OPCML: variants seen among roughly 807,000 people sequenced by gnomAD.
OPCML encodes opioid binding protein/cell adhesion molecule like, also known as opioid-binding protein/cell adhesion molecule.
Under a neutral mutation model 37.8 loss-of-function variants are expected in OPCML, and 13 were observed. The ratio of observed to expected loss-of-function variants is 0.34; its 90% CI spans 0.22 to 0.55. The LOEUF (loss-of-function observed/expected upper bound fraction) is 0.55. Ranked by LOEUF, OPCML falls within the 20% of genes least tolerant of loss-of-function variation. The pLI is 0.91. For synonymous variants in OPCML, 176 were observed against 168.8 expected, an observed-to-expected ratio of 1.04 and a Z score of -0.33; for missense variants, 341 against 435.6, an observed-to-expected ratio of 0.78 and a Z score of 1.93.
chr11:132,687,369 CATATATATATATAT>C (rs56834972), intron 2 of OPCML, among the ~76,000 whole-genome samples: 853 of 49,256 alleles, frequency 0.017, 7 homozygotes, highest in Non-Finnish European at 0.029. Flanking sequence ...CCTTAAGCTA[CATATATATATATAT>C]ATATATATAT....
intron 4 of OPCML, among the ~76,000 whole-genome samples, chr11:132,504,844 A>C (rs1489069072): frequency 1.3e-5 from 2 of 152,096 alleles, no homozygotes; most frequent in East Asian, 3.9e-4. Flanking sequence ...AGAGTGCTCA[A>C]GGGTGTGAAT....
chr11:132,840,577 G>A (rs1181388497), intron 2 of OPCML, among the ~76,000 whole-genome samples: 1 of 152,180 alleles, frequency 6.6e-6, no homozygotes, highest in Non-Finnish European at 1.5e-5. Context: ...GGCACATGGG[G>A]CAAGTATTTT....
chr11:132,633,556 C>T (rs1296792654), intron 3 of OPCML, among the ~76,000 whole-genome samples: 2 of 152,156 alleles, frequency 1.3e-5, no homozygotes, highest in Admixed American at 1.3e-4. Flanking sequence ...TGCGAGGAGG[C>T]CCCAGGCCCT....
Position 132,943,385 on chromosome 11 carries a change from A to G in OPCML, c.62-375T>C, listed in dbSNP as rs968388292. 4 of 482,564 alleles carry G rather than the reference A, an allele frequency of 8.3e-6. No homozygotes were observed. Among genetic ancestry groups the G allele is most frequent in the African/African-American group, 7.7e-5 (4 of 51,916 alleles). 29.9% of individuals were successfully genotyped at this position (482,564 alleles called of 1,614,324 possible). A position where few individuals can be genotyped will look rare whatever the true frequency, so the allele number is the denominator to read the frequency against. ...AGGCGGCCAGGAGGGGAGAGGAAGAAGCAAGGTGCGGGGATGAAGGTCACA... is the reference window on the plus strand; with the variant it reads ...AGGCGGCCAGGAGGGGAGAGGAAGAGGCAAGGTGCGGGGATGAAGGTCACA... On this transcript the variant is annotated intron_variant, in intron 1 of 7. Coordinates refer to ENST00000524381, the MANE Select transcript of OPCML (RefSeq NM_001012393.5). This position sits in a 1 kb window ranked among gnomAD's most constrained non-coding sequence, Gnocchi z 4.3.
intron 3 of OPCML, among the ~76,000 whole-genome samples, chr11:132,651,380 T>C (rs539283880): frequency 1.2e-4 from 18 of 152,308 alleles, no homozygotes; most frequent in Admixed American, 2.6e-4. Flanking sequence ...GGAAGCATAA[T>C]CAAAAGAGAT....
intron 3 of OPCML, among the ~76,000 whole-genome samples, chr11:132,541,683 G>A (rs954966528): frequency 6.6e-6 from 1 of 152,180 alleles, no homozygotes; most frequent in Non-Finnish European, 1.5e-5. Flanking sequence ...GAAGCAGAGA[G>A]GGGTTAAATA....
intron 1 of OPCML, among the ~76,000 whole-genome samples, chr11:133,210,722 G>A (rs547616631): frequency 6.4e-4 from 98 of 152,180 alleles, no homozygotes; most frequent in African/African-American, 2.2e-3. Context: ...GTGGAATGAA[G>A]CTCTTTTCTA....
chr11:133,268,026 G>C (rs888410899), intron 1 of OPCML, among the ~76,000 whole-genome samples: 5 of 152,200 alleles, frequency 3.3e-5, no homozygotes, highest in Non-Finnish European at 1.5e-5. Flanking sequence ...AGTAGGTGCA[G>C]TTCCTTCTGT....
intron 1 of OPCML, among the ~76,000 whole-genome samples, chr11:133,506,947 A>G (rs1252194957): frequency 6.6e-6 from 1 of 152,192 alleles, no homozygotes; most frequent in Non-Finnish European, 1.5e-5. Context: ...GCCCCCACTC[A>G]TCCACTTTCT....
At chr11:133,481,239 C>G (rs1452495037) in intron 1 of OPCML, among the ~76,000 whole-genome samples, 1 of 152,146 alleles carries the variant, frequency 6.6e-6, no homozygotes, top group East Asian at 1.9e-4. Context: ...TGCCTCTGTC[C>G]CAAAAGAGTT....
chr11:132,875,439 A>C (rs1035380769), intron 2 of OPCML, among the ~76,000 whole-genome samples: 1 of 150,980 alleles, frequency 6.6e-6, no homozygotes, highest in African/African-American at 2.4e-5. Context: ...GTATCCATCC[A>C]TCTGCCAATG....
chr11:133,457,583 T>C (rs1479463769), intron 1 of OPCML, among the ~76,000 whole-genome samples: 1 of 151,966 alleles, frequency 6.6e-6, no homozygotes, highest in Non-Finnish European at 1.5e-5. Flanking sequence ...TTTTTAATGT[T>C]ATATTTGTCT....
At chr11:133,384,807 C>A (rs1323592621) in intron 1 of OPCML, among the ~76,000 whole-genome samples, 1 of 152,226 alleles carries the variant, frequency 6.6e-6, no homozygotes, top group East Asian at 1.9e-4. Context: ...GGACATGTGA[C>A]CTCCTGGATC....
At chr11:133,342,587 G>T (rs950245113) in intron 1 of OPCML, among the ~76,000 whole-genome samples, 1 of 152,198 alleles carries the variant, frequency 6.6e-6, no homozygotes, top group African/African-American at 2.4e-5. Flanking sequence ...AGAGGGACCC[G>T]TGCGGAGGTT....
At chr11:132,440,241 G>A (rs964721186) in intron 4 of OPCML, among the ~76,000 whole-genome samples, 2 of 152,112 alleles carry the variant, frequency 1.3e-5, no homozygotes, top group African/African-American at 2.4e-5. Flanking sequence ...AATGGGGATC[G>A]TTATAATACT....
chr11:132,709,473 C>G (rs909569159), intron 2 of OPCML, among the ~76,000 whole-genome samples: 1 of 152,176 alleles, frequency 6.6e-6, no homozygotes, highest in South Asian at 2.1e-4. Context: ...ATTTCCAGGA[C>G]TCCATCCACC....
intron 1 of OPCML, among the ~76,000 whole-genome samples, chr11:133,240,212 CAAAAAAAA>C (rs35643678): frequency 1.5e-5 from 1 of 66,046 alleles, no homozygotes; most frequent in African/African-American, 5.8e-5. Context: ...ACACTTGGGG[CAAAAAAAA>C]AAAAAAAAAA....
At chr11:133,076,516 T>C (rs1040358298) in intron 1 of OPCML, among the ~76,000 whole-genome samples, 1 of 152,158 alleles carries the variant, frequency 6.6e-6, no homozygotes, top group Non-Finnish European at 1.5e-5. Context: ...GACTGTAGAA[T>C]TCTAGGCCAG....
intron 2 of OPCML, among the ~76,000 whole-genome samples, chr11:132,844,856 T>C (rs1029626034): frequency 2.0e-5 from 3 of 151,590 alleles, no homozygotes; most frequent in African/African-American, 7.3e-5. Flanking sequence ...TGGACCTATA[T>C]AGCTTGTTAA....
Sources: gnomAD v4.1 joint callset for allele counts (sites outside exome capture counted in the v4.1 genomes callset) on GRCh38, gnomAD v4.1.1 for gene constraint, Gnocchi (gnomAD v3.1) non-coding constraint, MANE v1.5 for transcripts, NCBI Gene and HGNC (gene_info 2026-07-23, HGNC 2026-07-21) for gene names.